Variants in INPP4B observed in about 807,000 individuals in gnomAD.
The protein encoded by INPP4B is inositol polyphosphate 4-phosphatase type II.
INPP4B carries 55 observed loss-of-function variants against 122.5 expected under a neutral mutation model. The ratio of observed to expected loss-of-function variants is 0.45; its 90% CI spans 0.36 to 0.56. The LOEUF (loss-of-function observed/expected upper bound fraction) is 0.56. Ranked by LOEUF, INPP4B falls within the 20% of genes least tolerant of loss-of-function variation. The pLI is 0.00. For missense variants in INPP4B, 1,000 were observed against 1,097.7 expected (o/e 0.91, Z 1.26); for synonymous variants, 403 against 388.7 (o/e 1.04, Z -0.43).
chr4:142,080,744 A>G (rs1050664607), intron 25 of INPP4B, among the ~76,000 whole-genome samples: 14 of 152,142 alleles, frequency 9.2e-5, no homozygotes, highest in African/African-American at 3.4e-4. Context: ...TTTGTTACCT[A>G]AATCAGTTTA....
At chr4:142,751,283 C>CA (rs70949187) in intron 1 of INPP4B, among the ~76,000 whole-genome samples, 4,770 of 104,802 alleles carry the variant, frequency 0.046, 108 homozygotes, top group African/African-American at 0.06. Flanking sequence ...TTAACTGTGT[C>CA]AAAAAAAAAA....
intron 2 of INPP4B, among the ~76,000 whole-genome samples, chr4:142,634,927 T>C (rs1361012088): frequency 1.3e-5 from 2 of 152,086 alleles, no homozygotes; most frequent in South Asian, 2.1e-4. Flanking sequence ...GATTCTATGA[T>C]GCATGAAAAT....
chr4:142,785,937 C>A (rs1343069280), intron 1 of INPP4B, among the ~76,000 whole-genome samples: 1 of 151,992 alleles, frequency 6.6e-6, no homozygotes, highest in Admixed American at 6.6e-5. Flanking sequence ...GGAGGGGACA[C>A]CTTGCATTTA....
chr4:142,193,220 T>C (rs756698607), intron 14 of INPP4B, 25 bp from the exon 15 acceptor site: 90 of 1,367,512 alleles, frequency 6.6e-5, no homozygotes, highest in Non-Finnish European at 9.3e-5. Context: ...GACAAGGAGA[T>C]GAACACTTTG....
chr4:142,635,809 C>A (rs1580573939), intron 2 of INPP4B, among the ~76,000 whole-genome samples: 4 of 152,202 alleles, frequency 2.6e-5, no homozygotes, highest in African/African-American at 9.6e-5. Flanking sequence ...ACCCCCATGA[C>A]ATGACTTTAC....
At chr4:142,166,521 A>G (rs978563127) in intron 16 of INPP4B, among the ~76,000 whole-genome samples, 65 of 152,046 alleles carry the variant, frequency 4.3e-4, no homozygotes, top group African/African-American at 1.4e-3. Context: ...AACTGCAACA[A>G]AAGCAAAAGC....
At chr4:142,709,600 T>A (rs1021174266) in intron 2 of INPP4B, among the ~76,000 whole-genome samples, 1 of 152,190 alleles carries the variant, frequency 6.6e-6, no homozygotes, top group Non-Finnish European at 1.5e-5. Context: ...GGGATGTACA[T>A]CCTTCCTCTT....
At chr4:142,344,855 G>C (rs920866930) in intron 7 of INPP4B, among the ~76,000 whole-genome samples, 3 of 151,854 alleles carry the variant, frequency 2.0e-5, no homozygotes, top group Admixed American at 6.6e-5. Context: ...TTGTACCTCT[G>C]AACTTAAAAT....
intron 18 of INPP4B, among the ~76,000 whole-genome samples, chr4:142,143,826 G>A (rs895700153): frequency 1.3e-5 from 2 of 152,026 alleles, no homozygotes; most frequent in South Asian, 2.1e-4. Flanking sequence ...TGATGAATTC[G>A]TTTACAGTCA....
chr4:142,101,552 G>A (rs1784482815), intron 23 of INPP4B, among the ~76,000 whole-genome samples: 1 of 152,028 alleles, frequency 6.6e-6, no homozygotes, highest in Non-Finnish European at 1.5e-5. Context: ...ATGTGATACT[G>A]ATTGCTTTTC....
intron 2 of INPP4B, among the ~76,000 whole-genome samples, chr4:142,720,744 ATATACATATATATATAATCTCTCTC>A (rs1560996179): frequency 7.0e-5 from 7 of 99,540 alleles, no homozygotes; most frequent in Admixed American, 2.4e-4. Context: ...ATATATATAT[ATATACATATATATATAATCTCTCTC>A]TCTCTCTCTC....
intron 11 of INPP4B, among the ~76,000 whole-genome samples, chr4:142,249,850 G>A (rs981356305): frequency 4.6e-5 from 7 of 152,134 alleles, no homozygotes; most frequent in African/African-American, 1.7e-4. Context: ...CCATGACTAT[G>A]TGAAAGACCT....
chr4:142,251,619 C>T (rs936935335), intron 11 of INPP4B, among the ~76,000 whole-genome samples: 3 of 152,172 alleles, frequency 2.0e-5, no homozygotes, highest in African/African-American at 7.2e-5. Context: ...AATCCCATCT[C>T]ATTTGGCTGT....
chr4:142,621,708 A>T (rs1272521239), intron 2 of INPP4B, among the ~76,000 whole-genome samples: 1 of 151,894 alleles, frequency 6.6e-6, no homozygotes, highest in Admixed American at 6.6e-5. Flanking sequence ...AATGATGTGG[A>T]TTAAATATGA....
At chr4:142,691,851 T>G (rs1206159206) in intron 2 of INPP4B, among the ~76,000 whole-genome samples, 1 of 152,200 alleles carries the variant, frequency 6.6e-6, no homozygotes, top group African/African-American at 2.4e-5. Context: ...CTTCTGAGTC[T>G]GCCACTGACC....
rs995456500 is a variant in INPP4B, at chr4:142,025,527, G to A, written c.*3255C>T. 1 of 152,142 alleles carries A rather than the reference G, an allele frequency of 6.6e-6. No individual in the cohort carries two copies. The highest frequency in any genetic ancestry group is 2.4e-5 in the African/African-American group (1 of 41,420). The allele number at this position is 152,142 out of a possible 1,614,324, so 9.4% of individuals were successfully genotyped here. A position where few individuals can be genotyped will look rare whatever the true frequency, so the allele number is the denominator to read the frequency against. ...AGAACGAGCTAGTTCCAGCCCACCAGTGGTATTGTGTCTCTTGGTACACTA... is the reference window on the plus strand; with the variant it reads ...AGAACGAGCTAGTTCCAGCCCACCAATGGTATTGTGTCTCTTGGTACACTA... On this transcript the variant is annotated 3_prime_UTR_variant, in exon 26 of 26. Coordinates refer to ENST00000262992, the MANE Select transcript of INPP4B (RefSeq NM_001101669.3).
chr4:142,571,418 T>G (rs1264850766), intron 2 of INPP4B, among the ~76,000 whole-genome samples: 1 of 152,158 alleles, frequency 6.6e-6, no homozygotes, highest in Non-Finnish European at 1.5e-5. Context: ...TTTGGTTATA[T>G]GAAAGAAGTC....
chr4:142,327,913 C>G (rs893866796), intron 7 of INPP4B, among the ~76,000 whole-genome samples: 1 of 152,134 alleles, frequency 6.6e-6, no homozygotes, highest in Non-Finnish European at 1.5e-5. Context: ...ATTCCAAAAC[C>G]AATGCATTTA....
At chr4:142,249,356 TATA>T (rs1212485901) in intron 11 of INPP4B, among the ~76,000 whole-genome samples, 8 of 152,158 alleles carry the variant, frequency 5.3e-5, no homozygotes, top group Non-Finnish European at 1.0e-4. Flanking sequence ...TGTAGAATTA[TATA>T]ATAATTTTAC....
Sources: gnomAD v4.1 joint callset for allele counts (sites outside exome capture counted in the v4.1 genomes callset) on GRCh38, gnomAD v4.1.1 for gene constraint, MANE v1.5 for transcripts, NCBI Gene and HGNC (gene_info 2026-07-23, HGNC 2026-07-21) for gene names.